STAG2: variants seen among roughly 807,000 people sequenced by gnomAD.
STAG2 encodes cohesin subunit SA-2.
STAG2 carries 14 observed loss-of-function variants against 108.1 expected under a neutral mutation model. The ratio of observed to expected loss-of-function variants is 0.13; its 90% CI spans 0.09 to 0.20. STAG2 has a LOEUF of 0.20. Among genes scored for constraint, STAG2 ranks in the 10% least tolerant of loss-of-function variants. STAG2 has a pLI of 1.00. For synonymous variants in STAG2, 307 were observed against 302.7 expected (o/e 1.01, Z -0.15); for missense variants, 440 against 940.9 (o/e 0.47, Z 6.96).
chrX:124,023,797 A>G (rs1012629049), intron 3 of STAG2, among the ~76,000 whole-genome samples: 1 of 111,630 alleles, frequency 9.0e-6, no homozygotes, highest in African/African-American at 3.3e-5. Flanking sequence ...AATATCTCAA[A>G]TAATGAGGAC....
At chrX:124,090,483 T>C (rs750196140) in intron 30 of STAG2, 92 bp from the exon 31 acceptor site, 2 of 749,311 alleles carry the variant, frequency 2.7e-6, no homozygotes, top group Non-Finnish European at 4.0e-6. Context: ...CATGTGGAAA[T>C]CAACAGATGT....
chrX:124,030,931 T>C (rs756728652), intron 4 of STAG2, 30 bp from the exon 5 acceptor site: 2 of 1,171,513 alleles, frequency 1.7e-6, no homozygotes, highest in Admixed American at 5.0e-5. Context: ...GATAGTGATA[T>C]AACTTAACCA....
intron 1 of STAG2, among the ~76,000 whole-genome samples, chrX:124,021,111 C>G (rs1423540995): frequency 1.8e-5 from 2 of 112,353 alleles, no homozygotes; most frequent in Non-Finnish European, 3.8e-5. Flanking sequence ...TTGCTGTTCA[C>G]AAAACATAAA....
intron 27 of STAG2, among the ~76,000 whole-genome samples, chrX:124,080,538 A>G (rs1057298669): frequency 9.0e-6 from 1 of 110,699 alleles, no homozygotes; most frequent in African/African-American, 3.3e-5. Flanking sequence ...AAATACAAAA[A>G]TTAGCTGGGC....
chrX:124,002,038 GCA>G (rs1179668536), intron 1 of STAG2, among the ~76,000 whole-genome samples: 4 of 111,619 alleles, frequency 3.6e-5, no homozygotes, highest in Non-Finnish European at 5.6e-5. Flanking sequence ...GGCCTAGGCA[GCA>G]AAGCAAGACC....
At position 123,963,685 on chromosome X, in the gene STAG2, C is replaced by T. The variant is rs185961714; in HGVS notation, c.-163+1829C>T. On this transcript the variant is annotated intron_variant, in intron 1 of 34. Transcript: ENST00000371145. ...AATTGCAGATGTTTAAGTTCGTTTTCATCACATTTCCCTATTTGTCTTTTT... is the reference window on the plus strand; with the variant it reads ...AATTGCAGATGTTTAAGTTCGTTTTTATCACATTTCCCTATTTGTCTTTTT... Among the ~76,000 whole-genome samples, 653 of 109,402 alleles carry T rather than the reference C, an allele frequency of 6.0e-3. 5 individuals carry two copies. Among genetic ancestry groups the T allele is most frequent in the African/African-American group, 0.02 (606 of 30,037 alleles).
At chrX:124,048,362 T>A (rs113436444) in intron 9 of STAG2, among the ~76,000 whole-genome samples, 9 of 112,458 alleles carry the variant, frequency 8.0e-5, no homozygotes, top group African/African-American at 2.9e-4. Context: ...AAAGTGTTGA[T>A]ACTTTTTCCC....
intron 1 of STAG2, among the ~76,000 whole-genome samples, chrX:124,009,438 GGT>G (rs770151248): frequency 0.1 from 8,504 of 82,366 alleles, 485 homozygotes; most frequent in East Asian, 0.22. Context: ...TAGGTAGGTA[GGT>G]AGGTAGATAG....
chrX:124,078,122 TAGC>T, intron 27 of STAG2, 64 bp downstream of exon 27: 3 of 834,175 alleles, frequency 3.6e-6, no homozygotes, highest in Non-Finnish European at 5.2e-6. Context: ...CAAAATAAGG[TAGC>T]AGTTGAAATT....
chrX:124,081,508 A>G lies in STAG2; in HGVS notation c.2904A>G (p.Glu968=). ...TFGLDQLKTR[E]AIAMLHKDGI... ...GACTTGATCAGTTGAAAACAAGAGA[A>G]GCCATTGCCATGCTACACAAGTAAT... Residue 968 remains glutamate, a synonymous_variant, in exon 28 of 35, where the codon GAA becomes GAG. Transcript: ENST00000371145. 8.4e-7 allele frequency: 1 copy of G among 1,185,762 alleles called. No homozygotes were observed. The highest frequency in any genetic ancestry group is 3.0e-5 in the East Asian group (1 of 32,944).
chrX:123,985,030 A>G (rs1327694534), intron 1 of STAG2, among the ~76,000 whole-genome samples: 1 of 111,915 alleles, frequency 8.9e-6, no homozygotes. Context: ...ATTCTTAAAC[A>G]TCAGTCTATG....
chrX:123,998,786 T>G (rs994165156), intron 1 of STAG2, among the ~76,000 whole-genome samples: 1 of 111,700 alleles, frequency 9.0e-6, no homozygotes, highest in Non-Finnish European at 1.9e-5. Flanking sequence ...AAGTTGTATA[T>G]GTACATTGTA....
At chrX:123,996,624 G>A (rs771238526) in intron 1 of STAG2, among the ~76,000 whole-genome samples, 18 of 111,566 alleles carry the variant, frequency 1.6e-4, no homozygotes, top group Non-Finnish European at 3.2e-4. Context: ...TTTCCAGACT[G>A]TCATATACAT....
At chrX:124,004,792 T>A (rs191901406) in intron 1 of STAG2, among the ~76,000 whole-genome samples, 1 of 111,900 alleles carries the variant, frequency 8.9e-6, no homozygotes, top group East Asian at 2.8e-4. Context: ...AAGTTTTATC[T>A]TGGTATAATA....
intron 1 of STAG2, among the ~76,000 whole-genome samples, chrX:123,965,518 T>G (rs750251939): frequency 3.5e-4 from 39 of 111,463 alleles, no homozygotes; most frequent in Non-Finnish European, 6.2e-4. Flanking sequence ...CTTTGGGAAT[T>G]TAGGGTTAGA....
chrX:124,076,469 A>C lies in STAG2; in HGVS notation c.2671A>C (p.Lys891Gln), dbSNP rs1376609150. ...TGCAGATATCTTCAAACAGTATATG[A>C]AGGTAAAGTTGAAAAATGGATAGCA... ...TAADIFKQYM[K>Q]YYNDYGDIIK... Residue 891 changes from lysine to glutamine, a missense_variant and splice_region_variant, in exon 26 of 35, where the codon AAG (lysine) becomes CAG (glutamine). Physicochemically the swap from Lys to Gln is moderately conservative, Grantham distance 53 (BLOSUM62 1). Coordinates refer to ENST00000371145, the MANE Select transcript of STAG2 (RefSeq NM_001042750.2). 1 of 1,139,154 alleles carries C rather than the reference A, an allele frequency of 8.8e-7. No individual in the cohort carries two copies. 93.9% of individuals were successfully genotyped at this position (1,139,154 alleles called of 1,213,427 possible). A position where few individuals can be genotyped will look rare whatever the true frequency, so the allele number is the denominator to read the frequency against.
At chrX:124,074,338 A>T (rs2058748186) in intron 25 of STAG2, among the ~76,000 whole-genome samples, 1 of 112,605 alleles carries the variant, frequency 8.9e-6, no homozygotes, top group African/African-American at 3.2e-5. Flanking sequence ...CCATTTTCTT[A>T]TTTTTAGACA....
chrX:123,963,541 T>G, intron 1 of STAG2: 1 of 110,631 alleles, frequency 9.0e-6, no homozygotes, highest in East Asian at 2.8e-4. Context: ...AGGACCAGTT[T>G]AAGGTATATA....
At chrX:123,983,844 C>T (rs1602680514) in intron 1 of STAG2, among the ~76,000 whole-genome samples, 1 of 108,976 alleles carries the variant, frequency 9.2e-6, no homozygotes, top group African/African-American at 3.4e-5. Flanking sequence ...TAAAGAGACA[C>T]TAACAACTTA....
Sources: gnomAD v4.1 joint callset for allele counts (sites outside exome capture counted in the v4.1 genomes callset) on GRCh38, gnomAD v4.1.1 for gene constraint, MANE v1.5 for transcripts, NCBI Gene and HGNC (gene_info 2026-07-23, HGNC 2026-07-21) for gene names.